The following TMEM108 variants were observed in gnomAD, a reference collection of about 807,000 sequenced individuals.
TMEM108 encodes the protein cancer/testis antigen 124.
Under a neutral mutation model 35.1 loss-of-function variants are expected in TMEM108, and 12 were observed. The ratio of observed to expected loss-of-function variants is 0.34; its 90% CI spans 0.22 to 0.55. The LOEUF (loss-of-function observed/expected upper bound fraction) is 0.55, where lower values mean the gene tolerates loss of function less well. Among genes scored for constraint, TMEM108 ranks in the 20% least tolerant of loss-of-function variants. TMEM108 has a pLI of 0.89. For missense variants in TMEM108, 680 were observed against 753.3 expected (o/e 0.90, Z 1.14); for synonymous variants, 287 against 308.6 (o/e 0.93, Z 0.73).
chr3:133,058,613 T>G (rs1451735078), intron 2 of TMEM108, among the ~76,000 whole-genome samples: 2 of 152,106 alleles, frequency 1.3e-5, no homozygotes, highest in Admixed American at 1.3e-4. Flanking sequence ...ACTTGAGGGG[T>G]GAGAGGCCCC....
intron 4 of TMEM108, among the ~76,000 whole-genome samples, chr3:133,382,819 G>A (rs570147851): frequency 6.6e-6 from 1 of 152,264 alleles, no homozygotes; most frequent in South Asian, 2.1e-4. Flanking sequence ...TTTTATATCC[G>A]GAGTCTAGAT....
At chr3:133,225,159 G>A (rs1159919932) in intron 2 of TMEM108, among the ~76,000 whole-genome samples, 1 of 150,362 alleles carries the variant, frequency 6.7e-6, no homozygotes, top group Non-Finnish European at 1.5e-5. Context: ...CAATTCTCCT[G>A]CCTCAGCCTC....
intron 2 of TMEM108, among the ~76,000 whole-genome samples, chr3:133,212,721 T>C (rs1945849713): frequency 6.6e-6 from 1 of 150,700 alleles, no homozygotes; most frequent in Admixed American, 6.6e-5. Flanking sequence ...CAAAAATCAG[T>C]CAGATATTGT....
At chr3:133,126,468 G>A (rs941050699) in intron 2 of TMEM108, among the ~76,000 whole-genome samples, 4 of 138,276 alleles carry the variant, frequency 2.9e-5, no homozygotes, top group Non-Finnish European at 4.6e-5. Flanking sequence ...CTTTGTCCCC[G>A]CCCCCCCCAG....
chr3:133,395,681 ACAC>A (rs2073295316), intron 5 of TMEM108, among the ~76,000 whole-genome samples, 180 bp from the exon 6 acceptor site: 1 of 152,220 alleles, frequency 6.6e-6, no homozygotes, highest in South Asian at 2.1e-4. Context: ...ACACACACAC[ACAC>A]AAATTAATTA....
intron 3 of TMEM108, among the ~76,000 whole-genome samples, chr3:133,239,340 C>T (rs1420126117): frequency 2.0e-5 from 3 of 152,312 alleles, no homozygotes; most frequent in African/African-American, 7.2e-5. Context: ...ACTTCATTGA[C>T]ACTAAAATTC....
intron 2 of TMEM108, among the ~76,000 whole-genome samples, chr3:133,190,860 G>A (rs989838070): frequency 1.3e-5 from 2 of 152,070 alleles, no homozygotes; most frequent in African/African-American, 2.4e-5. Context: ...AGGAATATTG[G>A]CTCATACGGG....
intron 2 of TMEM108, among the ~76,000 whole-genome samples, chr3:133,144,314 A>G (rs1303438209): frequency 1.3e-5 from 2 of 152,006 alleles, no homozygotes; most frequent in African/African-American, 4.8e-5. Flanking sequence ...ATCCTTTTTA[A>G]TGGTTGCATA....
chr3:133,138,179 G>A (rs1299053333), intron 2 of TMEM108, among the ~76,000 whole-genome samples: 2 of 152,148 alleles, frequency 1.3e-5, no homozygotes, highest in South Asian at 2.1e-4. Flanking sequence ...TGAAGATCTA[G>A]AACTAGGAAT....
rs1425136260 is a variant in TMEM108, at chr3:133,350,179, G to A, written c.41-29573G>A. 2.6e-5 allele frequency among the ~76,000 whole-genome samples: 4 copies of A among 152,112 alleles called. No individual in the cohort carries two copies. The East Asian group carries it at 7.8e-4, about 29-fold the overall frequency. ...AAGTGAAATAAGGCAGCCACAGAAA[G>A]ACAAATACTACATGATCTCACCACT... On this transcript the variant is annotated intron_variant, in intron 3 of 5. Transcript: ENST00000321871.
At chr3:133,201,945 G>A (rs552897028) in intron 2 of TMEM108, among the ~76,000 whole-genome samples, 6 of 152,104 alleles carry the variant, frequency 3.9e-5, no homozygotes, top group Admixed American at 1.3e-4. Context: ...ATTTTTCCAC[G>A]TCCTCTCCAG....
chr3:133,387,070 TCTAACCC>T (rs1340733928), intron 4 of TMEM108: 1 of 985,556 alleles, frequency 1.0e-6, no homozygotes, highest in Non-Finnish European at 1.2e-6. Flanking sequence ...TAGTGAATGT[TCTAACCC>T]CTAGGTGGAG....
At chr3:133,326,337 CT>C (rs948457674) in intron 3 of TMEM108, among the ~76,000 whole-genome samples, 1 of 152,068 alleles carries the variant, frequency 6.6e-6, no homozygotes, top group Non-Finnish European at 1.5e-5. Context: ...GGGTCTTTGG[CT>C]TTTATGCAAC....
chr3:133,215,123 T>C (rs1015024671), intron 2 of TMEM108, among the ~76,000 whole-genome samples: 2 of 152,164 alleles, frequency 1.3e-5, no homozygotes, highest in Non-Finnish European at 2.9e-5. Context: ...CTGATCAGTA[T>C]GTACCCTTCT....
At chr3:133,362,512 T>TA (rs796830013) in intron 3 of TMEM108, among the ~76,000 whole-genome samples, 5 of 152,320 alleles carry the variant, frequency 3.3e-5, no homozygotes, top group African/African-American at 1.2e-4. Flanking sequence ...TCTATGACCC[T>TA]ACTGAAGACC....
chr3:133,386,793 C>T (rs1197299), intron 4 of TMEM108: 429,718 of 918,154 alleles, frequency 0.47, 100,897 homozygotes, highest in Non-Finnish European at 0.47. Flanking sequence ...CAGGACAATA[C>T]AGGATAGTGG....
At chr3:133,175,858 T>A (rs1174743678) in intron 2 of TMEM108, among the ~76,000 whole-genome samples, 1 of 152,194 alleles carries the variant, frequency 6.6e-6, no homozygotes, top group Non-Finnish European at 1.5e-5. Flanking sequence ...AATGCTTCAA[T>A]TAAAAGACAC....
intron 3 of TMEM108, among the ~76,000 whole-genome samples, chr3:133,311,585 C>T (rs9820352): frequency 1.2e-4 from 18 of 152,286 alleles, no homozygotes; most frequent in African/African-American, 2.2e-4. Context: ...GTCTTCTCTA[C>T]GCTGTTTATT....
intron 1 of TMEM108, among the ~76,000 whole-genome samples, chr3:133,042,854 C>T (rs2030443): frequency 0.45 from 68,285 of 152,068 alleles, 15,583 homozygotes; most frequent in African/African-American, 0.52. Flanking sequence ...TGCTTTATTT[C>T]ATCTGCCATC....
Sources: allele counts gnomAD v4.1 joint callset (sites outside exome capture counted in the v4.1 genomes callset), GRCh38; gene constraint gnomAD v4.1.1; transcripts MANE v1.5; gene names NCBI Gene and HGNC (gene_info 2026-07-23, HGNC 2026-07-21).